Variants in IGSF9B observed in about 807,000 individuals in gnomAD.
IGSF9B encodes immunoglobulin superfamily member 9B, also known as protein turtle homolog B.
Under a neutral mutation model 143.7 loss-of-function variants are expected in IGSF9B, and 48 were observed. That is an observed-to-expected ratio of 0.33 (90% CI 0.26 to 0.42). The LOEUF (loss-of-function observed/expected upper bound fraction) is 0.42. Ranked by LOEUF, IGSF9B falls within the 20% of genes least tolerant of loss-of-function variation. The pLI, the probability that IGSF9B is intolerant of heterozygous loss-of-function variation, is 1.00. For missense variants in IGSF9B, 1,706 were observed against 1,980.0 expected, an observed-to-expected ratio of 0.86 and a Z score of 2.63; for synonymous variants, 903 against 833.1, an observed-to-expected ratio of 1.08 and a Z score of -1.44.
chr11:133,943,075 T>C (rs891120838), intron 3 of IGSF9B, among the ~76,000 whole-genome samples: 3 of 152,100 alleles, frequency 2.0e-5, no homozygotes, highest in African/African-American at 7.2e-5. Flanking sequence ...GAGCCACCCT[T>C]CGGAGCAGAT....
intron 19 of IGSF9B, among the ~76,000 whole-genome samples, 195 bp downstream of exon 19, chr11:133,911,691 T>C (rs1266622412): frequency 1.3e-5 from 2 of 152,134 alleles, no homozygotes; most frequent in Non-Finnish European, 2.9e-5. Context: ...GAAAATTATG[T>C]TTGTGTATTG....
Position 133,908,930 on chromosome 11 carries a change from C to T in IGSF9B, c.*139G>A, listed in dbSNP as rs759674443. 4.6e-5 allele frequency: 33 copies of T among 719,386 alleles called. No individual in the cohort carries two copies. The highest frequency in any genetic ancestry group is 7.1e-5 in the Non-Finnish European group (31 of 439,406). 44.6% of individuals were successfully genotyped at this position (719,386 alleles called of 1,614,324 possible). Reference sequence around the variant, plus strand: ...CGGCCAGGATCTGGAGGGAGACACCCGCTCTGGCAAAAGAGGGGGCATGCA... The same window carrying T: ...CGGCCAGGATCTGGAGGGAGACACCTGCTCTGGCAAAAGAGGGGGCATGCA... On this transcript the variant is annotated 3_prime_UTR_variant, in exon 20 of 20. Transcript: ENST00000533871.
chr11:133,930,955 C>T (rs779846445), intron 11 of IGSF9B, 29 bp downstream of exon 11: 7 of 1,583,766 alleles, frequency 4.4e-6, no homozygotes, highest in Non-Finnish European at 6.0e-6. Flanking sequence ...CTGTCCCCGC[C>T]GCCCGGCCCA....
Position 133,920,065 on chromosome 11 carries a change from G to A in IGSF9B, c.3660C>T (p.Ala1220=). 4 of 1,543,956 alleles carry A rather than the reference G, an allele frequency of 2.6e-6. No individual in the cohort carries two copies. Among genetic ancestry groups the A allele is most frequent in the Non-Finnish European group, 3.5e-6 (4 of 1,146,898 alleles). Residue 1220 remains alanine (A), a synonymous_variant, in exon 18 of 20, where the codon GCC becomes GCT. Transcript: ENST00000533871. ...SSRTGSPELA[A]RARPRPGLLQ... The stretch of plus-strand genomic sequence containing the variant: ...GGAGGCCCGGGCGAGGCCGGGCACG[G>A]GCGGCGAGCTCAGGGGAGCCGGTGC...
At position 133,902,448 on chromosome 11, in the gene IGSF9B, G is replaced by GACACACCACACACACGTACACCACAC. The variant is rs747664339; in HGVS notation, c.*6620_*6621insGTGTGGTGTACGTGTGTGTGGTGTGT. Among the ~76,000 whole-genome samples, 1 of 127,424 alleles carries GACACACCACACACACGTACACCACAC rather than the reference G, an allele frequency of 7.8e-6. No individual in the cohort carries two copies. Among genetic ancestry groups the GACACACCACACACACGTACACCACAC allele is most frequent in the Non-Finnish European group, 1.6e-5 (1 of 61,342 alleles). The allele number at this position is 127,424 out of a possible 152,430, so 83.6% of individuals were successfully genotyped here. A position where few individuals can be genotyped will look rare whatever the true frequency, so the allele number is the denominator to read the frequency against. Reference sequence around the variant, plus strand: ...CACACCACACCACACACACCACCCAGACACACCACACACAGATACACACAC... The same window carrying GACACACCACACACACGTACACCACAC: ...CACACCACACCACACACACCACCCAGACACACCACACACACGTACACCACACACACACCACACACAGATACACACAC... On this transcript the variant is annotated 3_prime_UTR_variant, in exon 20 of 20. Coordinates refer to ENST00000533871, the MANE Select transcript of IGSF9B (RefSeq NM_001277285.4).
At position 133,920,815 on chromosome 11, in the gene IGSF9B, G is replaced by A; in HGVS notation, c.2910C>T (p.Leu970=). The change falls in exon 18 of 20, where the codon CTC becomes CTT. Residue 970 remains leucine, a synonymous_variant. Transcript: ENST00000533871. ...CCACCTCCCCAGGGCTGCTGCTGCTGAGGTACCCATAATACTGGCCATGGT... is the reference window on the plus strand; with the variant it reads ...CCACCTCCCCAGGGCTGCTGCTGCTAAGGTACCCATAATACTGGCCATGGT... ...PFHHGQYYGY[L]SSSSPGEVEP... is the part of the protein sequence containing the mutation. The A allele has an allele frequency of 6.2e-7, 1 of 1,606,324 alleles. No homozygotes were observed. The highest frequency in any genetic ancestry group is 8.5e-7 in the Non-Finnish European group (1 of 1,176,356).
chr11:133,904,610 A>C lies in IGSF9B; in HGVS notation c.*4459T>G, dbSNP rs544244106. Among the ~76,000 whole-genome samples the C allele has an allele frequency of 2.4e-4, 36 of 152,132 alleles. No individual in the cohort carries two copies. The highest frequency in any genetic ancestry group is 8.2e-4 in the African/African-American group (34 of 41,504). ...CCAGCCAGATGCCCACCAGGCAATC[A>C]TTCTTCGTCATCTTGGGATGATCCC... On this transcript the variant is annotated 3_prime_UTR_variant, in exon 20 of 20. Coordinates refer to ENST00000533871, the MANE Select transcript of IGSF9B (RefSeq NM_001277285.4).
intron 12 of IGSF9B, among the ~76,000 whole-genome samples, chr11:133,929,347 G>A (rs1211800142): frequency 6.6e-6 from 1 of 152,232 alleles, no homozygotes; most frequent in Admixed American, 6.5e-5. Flanking sequence ...CCCTTGAAGG[G>A]CAGGAGTCTC....
At chr11:133,921,711 C>A (rs1939542234) in intron 17 of IGSF9B, among the ~76,000 whole-genome samples, 1 of 152,054 alleles carries the variant, frequency 6.6e-6, no homozygotes, top group Admixed American at 6.5e-5. Context: ...CCCCCCCCAT[C>A]ATCCGTCTTT....
At position 133,928,958 on chromosome 11, in the gene IGSF9B, C is replaced by T. The variant is rs948559929; in HGVS notation, c.1631+713G>A. On this transcript the variant is annotated intron_variant, in intron 12 of 19. Transcript: ENST00000533871. This position sits in a 1 kb window ranked among gnomAD's most constrained non-coding sequence, Gnocchi z 4.7. Reference sequence around the variant, plus strand: ...CTCTCCACACCAGTTTCTGTGGCCTCTGGGGAAAAGACAGAATAAAAACTA... The same window carrying T: ...CTCTCCACACCAGTTTCTGTGGCCTTTGGGGAAAAGACAGAATAAAAACTA... Among the ~76,000 whole-genome samples the T allele has an allele frequency of 6.6e-5, 10 of 152,160 alleles. No individual in the cohort carries two copies. Among genetic ancestry groups the T allele is most frequent in the African/African-American group, 2.4e-4 (10 of 41,438 alleles).
chr11:133,914,692 C>T (rs1250728272), intron 18 of IGSF9B, among the ~76,000 whole-genome samples: 1 of 152,124 alleles, frequency 6.6e-6, no homozygotes, highest in East Asian at 1.9e-4. Context: ...CACCAAGACC[C>T]TCACCCAATG....
At chr11:133,935,935 C>T in intron 6 of IGSF9B, 118 bp downstream of exon 6, 1 of 1,406,838 alleles carries the variant, frequency 7.1e-7, no homozygotes, top group East Asian at 2.5e-5. Flanking sequence ...GACCAGACTG[C>T]CCACCTCCCC....
chr11:133,912,466 A>G (rs1209965972), intron 18 of IGSF9B: 4 of 424,574 alleles, frequency 9.4e-6, no homozygotes, highest in African/African-American at 4.1e-5. Context: ...CCATCTCCAG[A>G]AAAGGGGGTG....
chr11:133,927,156 G>T, intron 12 of IGSF9B, 65 bp from the exon 13 acceptor site: 1 of 1,324,214 alleles, frequency 7.6e-7, no homozygotes, highest in South Asian at 1.4e-5. Flanking sequence ...GAGAGAAGAG[G>T]GTGCATGCAG....
At chr11:133,947,369 T>C (rs1365896423) in intron 1 of IGSF9B, among the ~76,000 whole-genome samples, 1 of 152,202 alleles carries the variant, frequency 6.6e-6, no homozygotes, top group African/African-American at 2.4e-5. Flanking sequence ...TCCCTGGTAC[T>C]ACCCCCTACT....
chr11:133,919,935 T>C lies in IGSF9B; in HGVS notation c.3790A>G (p.Ser1264Gly). ...GCGGGCCGGTAGCTGGGACTCCCAC[T>C]GCGGCTGCTCTGGGAGGGGGAGCCT... Reference protein sequence around the residue: ...STGSPSQSSRSGSPSYRPAMG... With the variant: ...STGSPSQSSRGGSPSYRPAMG... Residue 1264 changes from serine to glycine, a missense_variant, in exon 18 of 20, where the codon AGT becomes GGT. Around this residue, in one of 7 missense-constraint regions of IGSF9B, gnomAD observed 880 missense variants for 762.9 expected, o/e 1.15. Transcript: ENST00000533871. The C allele has an allele frequency of 6.4e-7, 1 of 1,556,458 alleles. No individual in the cohort carries two copies. The highest frequency in any genetic ancestry group is 8.7e-7 in the Non-Finnish European group (1 of 1,150,382).
chr11:133,922,561 A>C lies in IGSF9B; in HGVS notation c.2281+8T>G, dbSNP rs1299080291. 6.2e-7 allele frequency: 1 copy of C among 1,606,816 alleles called. No individual in the cohort carries two copies. On this transcript the variant is annotated splice_region_variant and intron_variant, in intron 16 of 19. Coordinates refer to ENST00000533871, the MANE Select transcript of IGSF9B (RefSeq NM_001277285.4). ...CAGGGAGAGCAAGGGAAGGGGACAG[A>C]CACCCACCTTTTTTGCGCTTGAGCT... is the stretch of plus-strand genomic sequence containing the variant.
Position 133,921,539 on chromosome 11 carries a change from T to C in IGSF9B, c.2328-142A>G. 3.3e-6 allele frequency: 2 copies of C among 605,650 alleles called. 1 individual carries two copies. Among genetic ancestry groups the C allele is most frequent in the East Asian group, 5.7e-5 (2 of 35,296 alleles). The allele number at this position is 605,650 out of a possible 1,614,324, so 37.5% of individuals were successfully genotyped here. The stretch of plus-strand genomic sequence containing the variant: ...GGCTGTGTATCGTGGTGTGAAATGC[T>C]TTGGCCAACTCTCCACCGTCTGGAC... On this transcript the variant is annotated intron_variant, in intron 17 of 19. Transcript: ENST00000533871.
intron 13 of IGSF9B, 109 bp downstream of exon 13, chr11:133,926,807 C>T: frequency 1.1e-6 from 1 of 871,224 alleles, no homozygotes; most frequent in South Asian, 1.8e-5. Context: ...CTCTGTGGAG[C>T]ACTCAGCAAG....
Sources: gnomAD v4.1 joint callset for allele counts (sites outside exome capture counted in the v4.1 genomes callset) on GRCh38, gnomAD v4.1.1 for gene constraint, gnomAD v4.1.1 regional missense constraint, Gnocchi (gnomAD v3.1) non-coding constraint, MANE v1.5 for transcripts, NCBI Gene and HGNC (gene_info 2026-07-23, HGNC 2026-07-21) for gene names.